The following PRELID2 variants were observed in gnomAD, a reference collection of about 807,000 sequenced individuals.
The protein encoded by PRELID2 is PRELI domain containing 2, also known as PRELI domain-containing protein 2.
In PRELID2, 25 loss-of-function variants were observed where a neutral mutation model predicts 28.4. The observed-to-expected ratio is 0.88, with a 90% CI of 0.64 to 1.23. The LOEUF is 1.23. PRELID2 is among the 50% of genes most tolerant of loss of function. PRELID2 has a pLI of 0.00. For synonymous variants in PRELID2, 76 were observed against 71.6 expected (o/e 1.06, Z -0.31); for missense variants, 201 against 214.4 (o/e 0.94, Z 0.39).
In PRELID2 at chr5:145,511,321, G is replaced by A. The variant is rs181409129; in HGVS notation, n.71-38006C>T. The stretch of plus-strand genomic sequence containing the variant: ...AATAGTACCGTTATATACTTATTAC[G>A]TGTCTAGCATTATCTCTTCTAAATC... On this transcript the variant is annotated intron_variant and non_coding_transcript_variant, in intron 1 of 2. Transcript: ENST00000510259. Among the ~76,000 whole-genome samples the A allele has an allele frequency of 6.2e-4, 95 of 152,278 alleles. No individual in the cohort carries two copies. In the East Asian group the frequency reaches 0.014, roughly 23 times the overall value.
chr5:145,229,573 G>T, the PRELID2 span: 11 of 1,475,274 alleles, frequency 7.5e-6, no homozygotes, highest in African/African-American at 1.5e-4. Context: ...AGCTCTTCAT[G>T]TACCTGAACG....
chr5:145,325,277 A>T, the PRELID2 span, among the ~76,000 whole-genome samples: 1 of 152,194 alleles, frequency 6.6e-6, no homozygotes, highest in East Asian at 1.9e-4. Flanking sequence ...GCATAATTCC[A>T]TAGAGAGGAA....
chr5:145,649,191 A>G (rs966315803), intron 1 of PRELID2, among the ~76,000 whole-genome samples: 2 of 152,206 alleles, frequency 1.3e-5, no homozygotes, highest in African/African-American at 4.8e-5. Context: ...TAAGCTAGAG[A>G]TGACTAGCAT....
the PRELID2 span, among the ~76,000 whole-genome samples, chr5:145,341,898 G>T: frequency 6.6e-6 from 1 of 152,076 alleles, no homozygotes; most frequent in Non-Finnish European, 1.5e-5. Flanking sequence ...TCCCATACAG[G>T]TGGCTCAGCA....
chr5:145,741,141 G>C (rs183454213), intron 1 of PRELID2, among the ~76,000 whole-genome samples: 2 of 113,978 alleles, frequency 1.8e-5, no homozygotes, highest in Admixed American at 2.2e-4. Context: ...AATATATAAT[G>C]TATAAATATG....
rs544209231 is a variant in PRELID2 at position 145,765,236 on chromosome 5, C to T, written c.475-236G>A. Reference sequence around the variant, plus strand: ...ACATGGGCAGAACGGAGCTTATGATCGCCATTTTAAACATAAGAAAACAAC... The same window carrying T: ...ACATGGGCAGAACGGAGCTTATGATTGCCATTTTAAACATAAGAAAACAAC... On this transcript the variant is annotated intron_variant, in intron 5 of 6. Transcript: ENST00000683046. Among the ~76,000 whole-genome samples the T allele has an allele frequency of 2.4e-4, 37 of 152,232 alleles. 1 individual carries two copies. The South Asian group carries it at 7.1e-3, about 29-fold the overall frequency.
chr5:145,252,343 G>T, the PRELID2 span, among the ~76,000 whole-genome samples: 1 of 152,102 alleles, frequency 6.6e-6, no homozygotes, highest in Non-Finnish European at 1.5e-5. Context: ...TCCAGGTAAT[G>T]CCTTCCCATA....
intron 1 of PRELID2, among the ~76,000 whole-genome samples, chr5:145,528,287 T>G (rs1752625560): frequency 6.6e-6 from 1 of 152,178 alleles, no homozygotes. Context: ...AAAACTGGAT[T>G]TGATTTTGCT....
At chr5:145,273,508 GAAGGAAAA>G in the PRELID2 span, among the ~76,000 whole-genome samples, 1 of 151,992 alleles carries the variant, frequency 6.6e-6, no homozygotes. Flanking sequence ...CCCTAGGGAG[GAAGGAAAA>G]AATGAAGGAC....
rs553943464 is a variant in PRELID2, at chr5:145,527,928, C to A, written n.71-54613G>T. On this transcript the variant is annotated intron_variant and non_coding_transcript_variant, in intron 1 of 2. Transcript: ENST00000510259. ...CACGTATCATTTCCTTCCAATCTCT[C>A]CAGCTTCTTCTTGCCCTGTTGTCCC... Among the ~76,000 whole-genome samples the A allele has an allele frequency of 2.6e-5, 4 of 152,262 alleles. No homozygotes were observed. In the East Asian group the frequency reaches 7.7e-4, roughly 29 times the overall value.
the PRELID2 span, among the ~76,000 whole-genome samples, chr5:145,387,154 T>C: frequency 2.6e-5 from 4 of 152,120 alleles, no homozygotes; most frequent in Non-Finnish European, 5.9e-5. Context: ...TACTAAATGG[T>C]TCAATTTGTG....
At chr5:145,511,099 A>C (rs1168204540) in intron 1 of PRELID2, among the ~76,000 whole-genome samples, 2 of 152,202 alleles carry the variant, frequency 1.3e-5, no homozygotes, top group Admixed American at 1.3e-4. Context: ...CAGAAGGGTA[A>C]TGATGTCAAT....
chr5:145,586,195 C>T (rs573383176), intron 1 of PRELID2, among the ~76,000 whole-genome samples: 21 of 152,128 alleles, frequency 1.4e-4, no homozygotes, highest in Non-Finnish European at 2.6e-4. Context: ...CCCTTTCCTC[C>T]CACGAATTCC....
intron 1 of PRELID2, among the ~76,000 whole-genome samples, chr5:145,672,003 G>A (rs17103600): frequency 0.076 from 11,534 of 152,090 alleles, 642 homozygotes; most frequent in Admixed American, 0.19. Context: ...ATTTTCAAAC[G>A]CCTTGAATGG....
chr5:145,254,816 T>C, the PRELID2 span, among the ~76,000 whole-genome samples: 3 of 151,766 alleles, frequency 2.0e-5, no homozygotes, highest in Non-Finnish European at 1.5e-5. Context: ...ATGAGAAAGA[T>C]TTACACTGAT....
At chr5:145,497,407 C>CA (rs71581829) in intron 1 of PRELID2, among the ~76,000 whole-genome samples, 35,361 of 151,988 alleles carry the variant, frequency 0.23, 4,251 homozygotes, top group South Asian at 0.38. Flanking sequence ...TTTTCTGTAT[C>CA]CTTCCCCCTT....
At chr5:145,742,262 AT>A (rs1171132943) in intron 1 of PRELID2, among the ~76,000 whole-genome samples, 4 of 140,776 alleles carry the variant, frequency 2.8e-5, no homozygotes, top group Admixed American at 1.5e-4. Flanking sequence ...TAAAATATAT[AT>A]TTTTAATACA....
the PRELID2 span, among the ~76,000 whole-genome samples, chr5:145,386,417 A>G: frequency 6.6e-6 from 1 of 152,100 alleles, no homozygotes; most frequent in African/African-American, 2.4e-5. Flanking sequence ...TGTTCTCAGG[A>G]TAATGAGTGA....
chr5:145,618,959 G>A (rs1753737056), intron 1 of PRELID2, among the ~76,000 whole-genome samples: 1 of 152,078 alleles, frequency 6.6e-6, no homozygotes, highest in Non-Finnish European at 1.5e-5. Context: ...GTCAGGGTAA[G>A]TGGGGAAAAG....
Sources: allele counts gnomAD v4.1 joint callset (sites outside exome capture counted in the v4.1 genomes callset), GRCh38; gene constraint gnomAD v4.1.1; transcripts MANE v1.5; gene names NCBI Gene and HGNC (gene_info 2026-07-23, HGNC 2026-07-21).